The following VAC14 variants were observed in gnomAD, a reference collection of about 807,000 sequenced individuals.
VAC14 encodes VAC14 component of PIKFYVE complex, also known as protein VAC14 homolog.
A neutral mutation model predicts 85.3 loss-of-function variants in VAC14; 47 were observed. The ratio of observed to expected loss-of-function variants is 0.55; its 90% CI spans 0.44 to 0.70. VAC14 has a LOEUF of 0.70. Among genes scored for constraint, VAC14 ranks in the 30% least tolerant of loss-of-function variants. The probability of loss-of-function intolerance (pLI) is 0.00; values close to 1 mark genes in which losing one functional copy is unlikely to be tolerated. For missense variants in VAC14, 861 were observed against 1,004.3 expected, an observed-to-expected ratio of 0.86 and a Z score of 1.93; for synonymous variants, 447 against 430.5, an observed-to-expected ratio of 1.04 and a Z score of -0.47.
At chr16:70,777,099 G>A (rs550701092) in intron 9 of VAC14, among the ~76,000 whole-genome samples, 85 of 151,250 alleles carry the variant, frequency 5.6e-4, no homozygotes, top group African/African-American at 1.8e-3. Flanking sequence ...GAGCCACCGC[G>A]TCTGGCCCCT....
chr16:70,792,422 C>T (rs565805157), intron 1 of VAC14, among the ~76,000 whole-genome samples: 22 of 152,310 alleles, frequency 1.4e-4, no homozygotes, highest in African/African-American at 2.4e-4. Context: ...GCATGGACAT[C>T]GCTGTCTTAT....
intron 12 of VAC14, among the ~76,000 whole-genome samples, chr16:70,753,143 G>C (rs1329076590): frequency 2.0e-5 from 3 of 152,146 alleles, no homozygotes; most frequent in East Asian, 1.9e-4. Context: ...AGGGGAAATG[G>C]GGAAAATGAC....
chr16:70,692,672 G>T lies in VAC14; in HGVS notation c.2186+149C>A. ...AAGAGGCCAAGGGGCAAGTGGCTGC[G>T]GGGGGGATGGTGGTCACAGTGACAA... is the stretch of plus-strand genomic sequence containing the variant. On this transcript the variant is annotated intron_variant, in intron 18 of 18. Transcript: ENST00000261776. 4 of 1,007,508 alleles carry T rather than the reference G, an allele frequency of 4.0e-6. No individual in the cohort carries two copies. In the South Asian group the frequency reaches 4.7e-5, roughly 12 times the overall value. The allele number at this position is 1,007,508 out of a possible 1,614,324, so 62.4% of individuals were successfully genotyped here.
At position 70,697,155 on chromosome 16, in the gene VAC14, C is replaced by G. The variant is rs560382993; in HGVS notation, c.1939G>C (p.Asp647His). ...GAAGGATACAACTTCTGGATGAGGT[C>G]ATAGGCGTGCCGGTAGTTCTGGGTG... ...FLTQNYRHAY[D>H]LIQKFGDLEV... is the part of the protein sequence containing the mutation. The change falls in exon 16 of 19, where the codon GAC becomes CAC. Residue 647 changes from aspartate to histidine, a missense_variant. Transcript: ENST00000261776. 6.2e-7 allele frequency: 1 copy of G among 1,613,654 alleles called. No individual in the cohort carries two copies. Among genetic ancestry groups the G allele is most frequent in the African/African-American group, 1.3e-5 (1 of 75,040 alleles).
chr16:70,768,374 G>A (rs988091893), intron 10 of VAC14: 2 of 162,388 alleles, frequency 1.2e-5, no homozygotes, highest in African/African-American at 4.8e-5. Flanking sequence ...GCAGTCACGA[G>A]AGAGAACACA....
At chr16:70,776,760 AT>A (rs34328513) in intron 9 of VAC14, among the ~76,000 whole-genome samples, 33,368 of 142,760 alleles carry the variant, frequency 0.23, 6,483 homozygotes, top group African/African-American at 0.54. Context: ...GTTTGTTTCA[AT>A]TTTTTTTTTT....
At chr16:70,795,418 TGA>T (rs2034502826) in intron 1 of VAC14, among the ~76,000 whole-genome samples, 1 of 147,444 alleles carries the variant, frequency 6.8e-6, no homozygotes, top group Non-Finnish European at 1.5e-5. Context: ...GGCGTGAACC[TGA>T]GAGGCAGAGT....
intron 18 of VAC14, chr16:70,691,590 T>C: frequency 1.0e-6 from 1 of 985,492 alleles, no homozygotes; most frequent in Non-Finnish European, 1.2e-6. Flanking sequence ...GGGGACCACC[T>C]GGCAGCACCC....
At position 70,762,520 on chromosome 16, in the gene VAC14, G is replaced by C. The variant is rs571035458; in HGVS notation, c.1371+20C>G. ...AGGGCAGCCGATGTTCCATAAGTAC[G>C]GGTGGCGTTGGTGACCTACCTCATC... On this transcript the variant is annotated intron_variant, in intron 12 of 18. Coordinates refer to ENST00000261776, the MANE Select transcript of VAC14 (RefSeq NM_018052.5). This position sits in a 1 kb window ranked among gnomAD's most constrained non-coding sequence, Gnocchi z 4.1. 2 of 1,612,848 alleles carry C rather than the reference G, an allele frequency of 1.2e-6. No homozygotes were observed. Among genetic ancestry groups the C allele is most frequent in the African/African-American group, 1.3e-5 (1 of 74,904 alleles).
chr16:70,773,566 G>C (rs1426383975), intron 9 of VAC14, among the ~76,000 whole-genome samples: 1 of 152,168 alleles, frequency 6.6e-6, no homozygotes, highest in African/African-American at 2.4e-5. Context: ...GGAGGGAAGA[G>C]GGGGCTGGCA....
rs575513357 is a variant in VAC14, at chr16:70,762,242, G to A, written c.1371+298C>T. Among the ~76,000 whole-genome samples, 35 of 152,194 alleles carry A rather than the reference G, an allele frequency of 2.3e-4. No homozygotes were observed. The highest frequency in any genetic ancestry group is 7.9e-4 in the African/African-American group (33 of 41,516). ...CCCACCTCAACCTCCTGAGCAGCTG[G>A]GAGTACAGGCGTGCACCACCACGCC... is the stretch of plus-strand genomic sequence containing the variant. On this transcript the variant is annotated intron_variant, in intron 12 of 18. Transcript: ENST00000261776. The surrounding 1 kb of genome is among the most constrained non-coding windows in gnomAD (Gnocchi z 4.1).
intron 10 of VAC14, chr16:70,769,542 G>T (rs2033062869): frequency 6.6e-6 from 1 of 152,188 alleles, no homozygotes; most frequent in Non-Finnish European, 1.5e-5. Context: ...CTGCCACGTG[G>T]GGATCTCTGT....
chr16:70,748,135 A>G (rs938975615), intron 12 of VAC14, among the ~76,000 whole-genome samples: 9 of 132,584 alleles, frequency 6.8e-5, no homozygotes, highest in South Asian at 2.1e-4. Context: ...CTGGTCCCCA[A>G]ACCTGAGCCT....
At chr16:70,785,193 G>T (rs539888558) in intron 3 of VAC14, among the ~76,000 whole-genome samples, 1 of 152,234 alleles carries the variant, frequency 6.6e-6, no homozygotes, top group Non-Finnish European at 1.5e-5. Context: ...TGGAGGAGGG[G>T]ACAGGGTAGC....
intron 13 of VAC14, among the ~76,000 whole-genome samples, chr16:70,740,713 C>T (rs1567555384): frequency 2.0e-5 from 3 of 152,204 alleles, no homozygotes. Flanking sequence ...CTCACAGCTG[C>T]CCGCCCAGGC....
chr16:70,778,628 A>G (rs1038296669), intron 9 of VAC14: 2 of 152,150 alleles, frequency 1.3e-5, no homozygotes, highest in African/African-American at 2.4e-5. Context: ...CTTTTCTTCA[A>G]ACCCAGGCAA....
intron 13 of VAC14, among the ~76,000 whole-genome samples, chr16:70,732,706 G>C (rs1488689764): frequency 6.6e-6 from 1 of 151,488 alleles, no homozygotes; most frequent in Non-Finnish European, 1.5e-5. Flanking sequence ...GCAGTGGTGT[G>C]ATCTTGGCTC....
chr16:70,789,239 C>A (rs767430227), intron 1 of VAC14, among the ~76,000 whole-genome samples: 7 of 152,098 alleles, frequency 4.6e-5, no homozygotes, highest in Non-Finnish European at 1.0e-4. Flanking sequence ...GGGAAAAAGC[C>A]CCCCAAAGTT....
intron 14 of VAC14, among the ~76,000 whole-genome samples, chr16:70,708,159 GC>G (rs2053958489): frequency 6.6e-6 from 1 of 152,074 alleles, no homozygotes; most frequent in African/African-American, 2.4e-5. Flanking sequence ...AGGTACTCAA[GC>G]CCCCTGTTCT....
Sources: gnomAD v4.1 joint callset for allele counts (sites outside exome capture counted in the v4.1 genomes callset) on GRCh38, gnomAD v4.1.1 for gene constraint, Gnocchi (gnomAD v3.1) non-coding constraint, MANE v1.5 for transcripts, NCBI Gene and HGNC (gene_info 2026-07-23, HGNC 2026-07-21) for gene names.